The following PCSK5 variants were observed in gnomAD, a reference collection of about 807,000 sequenced individuals.
PCSK5 encodes proprotein convertase subtilisin/kexin type 5.
Under a neutral mutation model 233.2 loss-of-function variants are expected in PCSK5, and 129 were observed. That is an observed-to-expected ratio of 0.55 (90% CI 0.48 to 0.64). The LOEUF (loss-of-function observed/expected upper bound fraction) is 0.64, where lower values mean the gene tolerates loss of function less well. Among genes scored for constraint, PCSK5 ranks in the 30% least tolerant of loss-of-function variants. PCSK5 has a pLI of 0.00. For missense variants in PCSK5, 2,076 were observed against 2,430.1 expected (o/e 0.85, Z 3.06); for synonymous variants, 825 against 879.2 (o/e 0.94, Z 1.09).
chr9:76,196,686 T>G (rs926952100), intron 20 of PCSK5, among the ~76,000 whole-genome samples: 2 of 152,222 alleles, frequency 1.3e-5, no homozygotes, highest in Non-Finnish European at 2.9e-5. Context: ...TATTGATCAC[T>G]TACTATGTAC....
intron 2 of PCSK5, among the ~76,000 whole-genome samples, chr9:75,942,884 T>C (rs1587396250): frequency 8.1e-6 from 1 of 123,938 alleles, no homozygotes; most frequent in East Asian, 2.0e-4. Flanking sequence ...TTCTTCTTCT[T>C]CTTTTTTTTT....
intron 24 of PCSK5, among the ~76,000 whole-genome samples, chr9:76,244,745 A>C (rs577167334): frequency 6.6e-6 from 1 of 152,168 alleles, no homozygotes; most frequent in Non-Finnish European, 1.5e-5. Context: ...GGGGCAGAAA[A>C]CTAAACTCAT....
intron 14 of PCSK5, chr9:76,175,404 C>T: frequency 2.2e-6 from 1 of 456,674 alleles, no homozygotes; most frequent in South Asian, 5.6e-5. Context: ...TATATCAGTG[C>T]ACTCATATAT....
intron 20 of PCSK5, among the ~76,000 whole-genome samples, chr9:76,220,523 T>C (rs1359204015): frequency 9.4e-5 from 7 of 74,820 alleles, no homozygotes; most frequent in Non-Finnish European, 1.9e-4. Context: ...CAAGACTCTG[T>C]CTCAAAAAAA....
At chr9:75,966,483 C>G (rs1825592293) in intron 2 of PCSK5, among the ~76,000 whole-genome samples, 2 of 152,152 alleles carry the variant, frequency 1.3e-5, no homozygotes, top group Non-Finnish European at 2.9e-5. Context: ...ATAAGGAGAG[C>G]AACTTGCCAT....
chr9:76,106,327 G>A (rs1364875624), intron 8 of PCSK5, among the ~76,000 whole-genome samples: 6 of 152,154 alleles, frequency 3.9e-5, no homozygotes, highest in Non-Finnish European at 7.3e-5. Context: ...CAAGAGGGAG[G>A]ATTTAAAAAA....
At chr9:76,191,125 A>T in intron 20 of PCSK5, among the ~76,000 whole-genome samples, 1 of 152,226 alleles carries the variant, frequency 6.6e-6, no homozygotes, top group East Asian at 1.9e-4. Context: ...TGCAGATATT[A>T]CATGCCAATG....
chr9:76,234,092 C>T (rs1052225605), intron 22 of PCSK5, among the ~76,000 whole-genome samples: 6 of 152,138 alleles, frequency 3.9e-5, no homozygotes, highest in Non-Finnish European at 8.8e-5. Context: ...TCATTGGATT[C>T]TATTTCATGC....
At chr9:76,323,327 G>T in intron 32 of PCSK5, 39 bp downstream of exon 32, 1 of 1,237,940 alleles carries the variant, frequency 8.1e-7, no homozygotes, top group Non-Finnish European at 1.2e-6. Flanking sequence ...TCCGGGGTTT[G>T]CATAGTTCCA....
intron 10 of PCSK5, among the ~76,000 whole-genome samples, chr9:76,151,856 C>T (rs898981696): frequency 6.6e-6 from 1 of 152,156 alleles, no homozygotes; most frequent in Non-Finnish European, 1.5e-5. Flanking sequence ...TCACCTTCTA[C>T]TTGAGTGAGA....
chr9:76,297,752 G>A (rs1360730861), intron 27 of PCSK5, among the ~76,000 whole-genome samples: 2 of 152,192 alleles, frequency 1.3e-5, no homozygotes, highest in Non-Finnish European at 2.9e-5. Context: ...TCGGTGCAAA[G>A]GCAACGGCAG....
intron 2 of PCSK5, among the ~76,000 whole-genome samples, chr9:75,980,891 A>G (rs1368217084): frequency 7.3e-6 from 1 of 137,486 alleles, no homozygotes; most frequent in Non-Finnish European, 1.6e-5. Flanking sequence ...CGCTTTCCAT[A>G]GCAAAAACAT....
intron 9 of PCSK5, among the ~76,000 whole-genome samples, chr9:76,114,435 A>G (rs996185942): frequency 6.6e-6 from 1 of 152,140 alleles, no homozygotes; most frequent in African/African-American, 2.4e-5. Flanking sequence ...GTAGAAGCCA[A>G]CTTTTCCTGG....
chr9:76,024,582 T>G (rs1828338316), intron 4 of PCSK5, among the ~76,000 whole-genome samples: 1 of 152,218 alleles, frequency 6.6e-6, no homozygotes, highest in Admixed American at 6.5e-5. Context: ...GATGTCTTTC[T>G]TGTCACACGC....
At chr9:76,173,104 T>C (rs1823398405) in intron 13 of PCSK5, among the ~76,000 whole-genome samples, 1 of 152,254 alleles carries the variant, frequency 6.6e-6, no homozygotes, top group African/African-American at 2.4e-5. Flanking sequence ...TACCAACCTC[T>C]GTAGCTCTGT....
chr9:76,105,681 A>G (rs1831949241), intron 8 of PCSK5, among the ~76,000 whole-genome samples: 1 of 152,184 alleles, frequency 6.6e-6, no homozygotes, highest in Non-Finnish European at 1.5e-5. Context: ...GGGTTCTTGC[A>G]CACCATTCAT....
chr9:76,219,696 G>A (rs1257860928), intron 20 of PCSK5, among the ~76,000 whole-genome samples: 3 of 152,254 alleles, frequency 2.0e-5, no homozygotes, highest in Non-Finnish European at 2.9e-5. Flanking sequence ...TCTCAGCAGC[G>A]GCTTCCCCTC....
intron 5 of PCSK5, among the ~76,000 whole-genome samples, chr9:76,049,307 A>T (rs10119284): frequency 0.1 from 15,158 of 152,204 alleles, 2,387 homozygotes; most frequent in African/African-American, 0.34. Flanking sequence ...AATGTTGAAT[A>T]GATCATTAGG....
At chr9:76,344,372 A>G (rs1330431168) in intron 35 of PCSK5, among the ~76,000 whole-genome samples, 1 of 152,098 alleles carries the variant, frequency 6.6e-6, no homozygotes, top group African/African-American at 2.4e-5. Context: ...CCCCTAAAGC[A>G]ACTCCATAAA....
Sources: gnomAD v4.1 joint callset for allele counts (sites outside exome capture counted in the v4.1 genomes callset) on GRCh38, gnomAD v4.1.1 for gene constraint, MANE v1.5 for transcripts, NCBI Gene and HGNC (gene_info 2026-07-23, HGNC 2026-07-21) for gene names.